Variants in ATP6V0D2 observed in about 807,000 individuals in gnomAD.
The protein encoded by ATP6V0D2 is ATPase H+ transporting V0 subunit d2.
In ATP6V0D2, 40 loss-of-function variants were observed where a neutral mutation model predicts 40.0. The ratio of observed to expected loss-of-function variants is 1.00; its 90% confidence interval spans 0.78 to 1.30. The LOEUF is 1.30. Among genes scored for constraint, ATP6V0D2 ranks in the 50% most tolerant of loss-of-function variants. The pLI, the probability that ATP6V0D2 is intolerant of heterozygous loss-of-function variation, is 0.00. For synonymous variants in ATP6V0D2, 179 were observed against 156.3 expected (o/e 1.15, Z -1.08); for missense variants, 470 against 423.1 (o/e 1.11, Z -0.97).
At chr8:86,134,159 G>C (rs1165640952) in intron 2 of ATP6V0D2, among the ~76,000 whole-genome samples, 1 of 152,066 alleles carries the variant, frequency 6.6e-6, no homozygotes. Flanking sequence ...GAAGCAAGCG[G>C]TGTAGTATTT....
intron 2 of ATP6V0D2, among the ~76,000 whole-genome samples, chr8:86,130,578 G>C (rs918477906): frequency 6.6e-6 from 1 of 152,016 alleles, no homozygotes. Flanking sequence ...AAAAGAAAAC[G>C]ACAGGCCTGG....
chr8:86,113,227 C>T (rs935719328), intron 1 of ATP6V0D2, among the ~76,000 whole-genome samples: 7 of 151,920 alleles, frequency 4.6e-5, no homozygotes, highest in South Asian at 2.1e-4. Flanking sequence ...GCCTGTAATC[C>T]CAGCACTTTG....
intron 3 of ATP6V0D2, among the ~76,000 whole-genome samples, chr8:86,140,628 C>A (rs1563564529): frequency 6.6e-6 from 1 of 151,158 alleles, no homozygotes; most frequent in Admixed American, 6.6e-5. Flanking sequence ...GGAGGGACTT[C>A]AAAAAAAAGC....
intron 1 of ATP6V0D2, among the ~76,000 whole-genome samples, chr8:86,099,783 C>T (rs1353709106): frequency 6.6e-6 from 1 of 152,218 alleles, no homozygotes; most frequent in Non-Finnish European, 1.5e-5. Flanking sequence ...CGTAAGCCAT[C>T]ATGCCTGCCA....
intron 2 of ATP6V0D2, among the ~76,000 whole-genome samples, chr8:86,118,963 A>T (rs1818631912): frequency 6.6e-6 from 1 of 152,202 alleles, no homozygotes; most frequent in Non-Finnish European, 1.5e-5. Flanking sequence ...AATAGTTGTT[A>T]GCAGTAGGCT....
chr8:86,100,406 T>C lies in ATP6V0D2; in HGVS notation c.130+1298T>C, dbSNP rs112680449. Among the ~76,000 whole-genome samples the C allele has an allele frequency of 3.3e-3, 506 of 152,060 alleles. 2 individuals carry two copies. Among genetic ancestry groups the C allele is most frequent in the African/African-American group, 0.012 (493 of 41,502 alleles). Reference sequence around the variant, plus strand: ...TAAGAATAAAGCCTCCTAGGAAGGGTATTAAAAGGCAAAAACGAACCAATG... The same window carrying C: ...TAAGAATAAAGCCTCCTAGGAAGGGCATTAAAAGGCAAAAACGAACCAATG... On this transcript the variant is annotated intron_variant, in intron 1 of 7. Transcript: ENST00000285393.
intron 2 of ATP6V0D2, among the ~76,000 whole-genome samples, chr8:86,121,317 C>G (rs1818666244): frequency 6.6e-6 from 1 of 152,176 alleles, no homozygotes; most frequent in African/African-American, 2.4e-5. Context: ...TGCCTGTAAT[C>G]CCAGTACTTT....
intron 2 of ATP6V0D2, among the ~76,000 whole-genome samples, chr8:86,127,699 C>T (rs1818764055): frequency 6.6e-6 from 1 of 152,164 alleles, no homozygotes; most frequent in Non-Finnish European, 1.5e-5. Context: ...GCTAAGATTA[C>T]AGGAATGAGC....
At chr8:86,125,944 A>G (rs183398197) in intron 2 of ATP6V0D2, among the ~76,000 whole-genome samples, 1 of 149,016 alleles carries the variant, frequency 6.7e-6, no homozygotes, top group African/African-American at 2.4e-5. Context: ...TCATTAACTT[A>G]TTTGTTTTTC....
intron 5 of ATP6V0D2, among the ~76,000 whole-genome samples, chr8:86,145,341 AGAAGGAAAGAAG>A (rs1231593576): frequency 0.048 from 4,240 of 87,804 alleles, 226 homozygotes; most frequent in African/African-American, 0.056. Flanking sequence ...AAAGAAGGAA[AGAAGGAAAGAAG>A]GAAGGAAGGA....
chr8:86,147,660 T>C (rs2626341), intron 5 of ATP6V0D2, among the ~76,000 whole-genome samples: 67,884 of 151,986 alleles, frequency 0.45, 16,501 homozygotes, highest in Middle Eastern at 0.61. Context: ...AAGGTAGATA[T>C]ATAGTCAGTT....
At chr8:86,123,529 C>T (rs527418845) in intron 2 of ATP6V0D2, among the ~76,000 whole-genome samples, 1 of 152,196 alleles carries the variant, frequency 6.6e-6, no homozygotes, top group South Asian at 2.1e-4. Context: ...AAAGCTTAGA[C>T]TGGAACTTTG....
chr8:86,123,752 G>A (rs1586092654), intron 2 of ATP6V0D2, among the ~76,000 whole-genome samples: 2 of 152,032 alleles, frequency 1.3e-5, no homozygotes, highest in South Asian at 2.1e-4. Flanking sequence ...GTAAATTAGA[G>A]GAAATTATAG....
chr8:86,105,075 C>G (rs1818451791), intron 1 of ATP6V0D2, among the ~76,000 whole-genome samples: 1 of 151,800 alleles, frequency 6.6e-6, no homozygotes, highest in African/African-American at 2.4e-5. Context: ...CTCTGTAAGC[C>G]CCTTCCTACA....
chr8:86,149,525 A>G (rs1819114533), intron 5 of ATP6V0D2, among the ~76,000 whole-genome samples: 1 of 152,174 alleles, frequency 6.6e-6, no homozygotes, highest in African/African-American at 2.4e-5. Context: ...CCTAACCCAC[A>G]TAGTTCTTAG....
At position 86,153,190 on chromosome 8, in the gene ATP6V0D2, G is replaced by C; in HGVS notation, c.*213G>C. The C allele has an allele frequency of 2.7e-6, 1 of 363,740 alleles. No individual in the cohort carries two copies. The highest frequency in any genetic ancestry group is 4.6e-5 in the Admixed American group (1 of 21,522). The allele number at this position is 363,740 out of a possible 1,614,324, so 22.5% of individuals were successfully genotyped here. A position where few individuals can be genotyped will look rare whatever the true frequency, so the allele number is the denominator to read the frequency against. ...TATTAGATCTTGTTTCCACATGTCT[G>C]TCTCATTCTTCACTGGGCCTTACAG... is the stretch of plus-strand genomic sequence containing the variant. On this transcript the variant is annotated 3_prime_UTR_variant, in exon 8 of 8. Coordinates refer to ENST00000285393, the MANE Select transcript of ATP6V0D2 (RefSeq NM_152565.1).
intron 2 of ATP6V0D2, among the ~76,000 whole-genome samples, chr8:86,117,282 A>C (rs1056948250): frequency 5.9e-5 from 9 of 152,202 alleles, no homozygotes; most frequent in African/African-American, 1.9e-4. Context: ...CAAATTCATA[A>C]ATAAACCCAC....
intron 1 of ATP6V0D2, among the ~76,000 whole-genome samples, chr8:86,103,175 T>G (rs180831716): frequency 4.6e-5 from 7 of 152,076 alleles, no homozygotes; most frequent in Admixed American, 4.6e-4. Flanking sequence ...TGGTCTCCAA[T>G]GGCACGATCT....
intron 5 of ATP6V0D2, among the ~76,000 whole-genome samples, chr8:86,149,353 C>G (rs1432921116): frequency 6.6e-6 from 1 of 152,074 alleles, no homozygotes; most frequent in Non-Finnish European, 1.5e-5. Context: ...CTTCAGTGGT[C>G]AGATGAAACA....
Sources: allele counts gnomAD v4.1 joint callset (sites outside exome capture counted in the v4.1 genomes callset), GRCh38; gene constraint gnomAD v4.1.1; transcripts MANE v1.5; gene names NCBI Gene and HGNC (gene_info 2026-07-23, HGNC 2026-07-21).